Variants in RASAL2 observed in about 807,000 individuals in gnomAD.
RASAL2 encodes RAS protein activator like 2.
Under a neutral mutation model 128.9 loss-of-function variants are expected in RASAL2, and 58 were observed. That is an observed-to-expected ratio of 0.45 (90% CI 0.36 to 0.56). The LOEUF is 0.56. Among genes scored for constraint, RASAL2 ranks in the 20% least tolerant of loss-of-function variants. The probability of loss-of-function intolerance (pLI) is 0.00; values close to 1 mark genes in which losing one functional copy is unlikely to be tolerated. For missense variants in RASAL2, 1,360 were observed against 1,601.6 expected (o/e 0.85, Z 2.57); for synonymous variants, 561 against 580.8 (o/e 0.97, Z 0.49).
intron 3 of RASAL2, among the ~76,000 whole-genome samples, chr1:178,382,483 G>A (rs1301143635): frequency 2.0e-5 from 3 of 151,968 alleles, no homozygotes; most frequent in Admixed American, 2.0e-4. Flanking sequence ...CTCCATTGCA[G>A]CCCATTATAC....
At chr1:178,262,226 C>T (rs1011813746) in intron 1 of RASAL2, among the ~76,000 whole-genome samples, 5 of 152,150 alleles carry the variant, frequency 3.3e-5, no homozygotes, top group Admixed American at 3.3e-4. Flanking sequence ...TTAGGAAGGT[C>T]GTGCTCTTGG....
intron 1 of RASAL2, among the ~76,000 whole-genome samples, chr1:178,185,110 T>A (rs426517): frequency 0.68 from 102,712 of 150,480 alleles, 37,321 homozygotes; most frequent in East Asian, 0.8. Flanking sequence ...TTTTAGTTTT[T>A]GTTTTTTTTT....
At chr1:178,341,314 C>A (rs1669864852) in intron 3 of RASAL2, among the ~76,000 whole-genome samples, 4 of 152,084 alleles carry the variant, frequency 2.6e-5, no homozygotes, top group Admixed American at 1.3e-4. Context: ...TGCCTTCACC[C>A]AGTGCTGTGA....
intron 1 of RASAL2, among the ~76,000 whole-genome samples, chr1:178,176,650 G>GAGAC (rs1234396242): frequency 2.0e-5 from 3 of 149,848 alleles, no homozygotes; most frequent in Non-Finnish European, 4.4e-5. Flanking sequence ...GAGAGAGAGA[G>GAGAC]AGACAGACAG....
chr1:178,325,382 T>C (rs1668988614), intron 3 of RASAL2, among the ~76,000 whole-genome samples: 2 of 152,180 alleles, frequency 1.3e-5, no homozygotes, highest in Admixed American at 1.3e-4. Flanking sequence ...CCCTCCCACT[T>C]TAATCAGAGT....
At chr1:178,327,516 T>G (rs1669093128) in intron 3 of RASAL2, among the ~76,000 whole-genome samples, 1 of 151,398 alleles carries the variant, frequency 6.6e-6, no homozygotes, top group Non-Finnish European at 1.5e-5. Flanking sequence ...TAGCTAATAA[T>G]TTTTTGTGTT....
chr1:178,185,827 G>T (rs925601490), intron 1 of RASAL2, among the ~76,000 whole-genome samples: 1 of 152,064 alleles, frequency 6.6e-6, no homozygotes, highest in Non-Finnish European at 1.5e-5. Context: ...GTTTATGAGA[G>T]ATATTGTTCT....
chr1:178,283,879 G>A (rs904969868), intron 2 of RASAL2, among the ~76,000 whole-genome samples, 188 bp downstream of exon 2: 3 of 152,306 alleles, frequency 2.0e-5, no homozygotes, highest in Non-Finnish European at 4.4e-5. Flanking sequence ...GGTTTCACAA[G>A]ATAGGGCTGG....
chr1:178,466,841 ATT>A (rs1647756711), intron 16 of RASAL2, among the ~76,000 whole-genome samples: 1 of 152,208 alleles, frequency 6.6e-6, no homozygotes, highest in Non-Finnish European at 1.5e-5. Context: ...TGTGGAGGTA[ATT>A]GACAGTCTTA....
Position 178,259,804 on chromosome 1 carries a change from T to A in RASAL2, c.203-23760T>A, listed in dbSNP as rs114773385. 3.3e-3 allele frequency among the ~76,000 whole-genome samples: 504 copies of A among 152,164 alleles called. 4 individuals carry two copies. The highest frequency in any genetic ancestry group is 0.012 in the African/African-American group (489 of 41,518). Reference sequence around the variant, plus strand: ...GTCTTGAAATACTGGGCCCAAGTCATCCTCCCTCCTTGGCCTCTCAAAGTG... The same window carrying A: ...GTCTTGAAATACTGGGCCCAAGTCAACCTCCCTCCTTGGCCTCTCAAAGTG... On this transcript the variant is annotated intron_variant, in intron 1 of 17. Coordinates refer to ENST00000367649, the MANE Select transcript of RASAL2 (RefSeq NM_170692.4).
At chr1:178,122,749 T>TACA (rs1659762381) in intron 1 of RASAL2, among the ~76,000 whole-genome samples, 1 of 152,210 alleles carries the variant, frequency 6.6e-6, no homozygotes, top group African/African-American at 2.4e-5. Context: ...ATGTAGTTTT[T>TACA]TTCACAAGGG....
chr1:178,281,168 A>C (rs192715990), intron 1 of RASAL2, among the ~76,000 whole-genome samples: 1 of 152,106 alleles, frequency 6.6e-6, no homozygotes, highest in Non-Finnish European at 1.5e-5. Context: ...ATGACCAAAA[A>C]TGGGCATTAG....
At chr1:178,242,108 A>T (rs1485995883) in intron 1 of RASAL2, among the ~76,000 whole-genome samples, 1 of 152,158 alleles carries the variant, frequency 6.6e-6, no homozygotes, top group Non-Finnish European at 1.5e-5. Context: ...TTCATATGTG[A>T]CATCACAGTT....
intron 1 of RASAL2, among the ~76,000 whole-genome samples, chr1:178,204,551 C>T (rs970621450): frequency 6.6e-6 from 1 of 152,058 alleles, no homozygotes; most frequent in Non-Finnish European, 1.5e-5. Flanking sequence ...AAAAGTGATA[C>T]CCAGAACAAA....
intron 1 of RASAL2, among the ~76,000 whole-genome samples, chr1:178,244,647 T>A (rs1450700231): frequency 6.6e-6 from 1 of 152,204 alleles, no homozygotes; most frequent in Admixed American, 6.5e-5. Context: ...CCATGGTGGT[T>A]TGCTGCACCT....
At chr1:178,139,738 T>C (rs775295121) in intron 1 of RASAL2, among the ~76,000 whole-genome samples, 59 of 152,100 alleles carry the variant, frequency 3.9e-4, no homozygotes, top group Admixed American at 7.9e-4. Flanking sequence ...TTAACGTGGA[T>C]TTTTCTAGGG....
In RASAL2 at chr1:178,429,205, G is replaced by A. The variant is rs78930951; in HGVS notation, c.674+8585G>A. On this transcript the variant is annotated intron_variant, in intron 5 of 17. Coordinates refer to ENST00000367649, the MANE Select transcript of RASAL2 (RefSeq NM_170692.4). ...TCTTCATCATGCAGTCTTATGGTCC[G>A]CAGGAAACCTCCACAAATCTTTTGC... Among the ~76,000 whole-genome samples the A allele has an allele frequency of 5.9e-5, 9 of 152,122 alleles. No individual in the cohort carries two copies. In the East Asian group the frequency reaches 7.7e-4, roughly 13 times the overall value.
chr1:178,167,208 A>G (rs1225172718), intron 1 of RASAL2, among the ~76,000 whole-genome samples: 1 of 152,138 alleles, frequency 6.6e-6, no homozygotes, highest in African/African-American at 2.4e-5. Context: ...TGCTATTTAA[A>G]CACAGCACAT....
intron 9 of RASAL2, among the ~76,000 whole-genome samples, chr1:178,450,120 C>CT (rs1677274117): frequency 6.6e-6 from 1 of 152,072 alleles, no homozygotes; most frequent in South Asian, 2.1e-4. Context: ...TTAAAACAGT[C>CT]TTTTACTAGT....
Sources: gnomAD v4.1 joint callset for allele counts (sites outside exome capture counted in the v4.1 genomes callset) on GRCh38, gnomAD v4.1.1 for gene constraint, MANE v1.5 for transcripts, NCBI Gene and HGNC (gene_info 2026-07-23, HGNC 2026-07-21) for gene names.